The following HLCS variants were observed in gnomAD, a reference collection of about 807,000 sequenced individuals.
HLCS encodes the protein biotin--protein ligase.
HLCS carries 53 observed loss-of-function variants against 75.0 expected under a neutral mutation model. That is an observed-to-expected ratio of 0.71 (90% confidence interval 0.57 to 0.89). The LOEUF is 0.89. Ranked by LOEUF, HLCS falls within the 40% of genes least tolerant of loss-of-function variation. The pLI is 0.00. For missense variants in HLCS, 966 were observed against 1,074.0 expected, an observed-to-expected ratio of 0.90 and a Z score of 1.41; for synonymous variants, 431 against 428.6, an observed-to-expected ratio of 1.01 and a Z score of -0.07.
At chr21:36,778,909 T>C (rs1298053687) in intron 6 of HLCS, among the ~76,000 whole-genome samples, 1 of 152,184 alleles carries the variant, frequency 6.6e-6, no homozygotes, top group African/African-American at 2.4e-5. Flanking sequence ...TAAGAGGTTC[T>C]AGGCTCATCT....
chr21:36,856,659 C>CGGA (rs2063204595), intron 6 of HLCS, among the ~76,000 whole-genome samples: 1 of 151,908 alleles, frequency 6.6e-6, no homozygotes, highest in Non-Finnish European at 1.5e-5. Context: ...ACAGTCCCCC[C>CGGA]AGCAACAAAA....
intron 6 of HLCS, among the ~76,000 whole-genome samples, chr21:36,894,889 T>A (rs2064948767): frequency 6.6e-6 from 1 of 151,878 alleles, no homozygotes; most frequent in African/African-American, 2.4e-5. Context: ...AACTTCCTGA[T>A]ATCCAAGAAT....
chr21:36,765,321 A>G, intron 7 of HLCS, 149 bp from the exon 8 acceptor site: 1 of 841,486 alleles, frequency 1.2e-6, no homozygotes. Context: ...GGGCTTAATA[A>G]AAGAAAAGCT....
At chr21:36,886,474 G>A (rs1323693141) in intron 6 of HLCS, among the ~76,000 whole-genome samples, 3 of 147,662 alleles carry the variant, frequency 2.0e-5, no homozygotes, top group Non-Finnish European at 4.5e-5. Flanking sequence ...CTATGGGTTT[G>A]AAAGAGCTTC....
chr21:36,864,303 G>C (rs541128696), intron 6 of HLCS, among the ~76,000 whole-genome samples: 28 of 152,170 alleles, frequency 1.8e-4, no homozygotes, highest in African/African-American at 6.5e-4. Flanking sequence ...GGGAGGCTGA[G>C]GCAGGAGAAT....
In HLCS at chr21:36,842,720, G is replaced by A. The variant is rs2062658131; in HGVS notation, c.1892+54140C>T. Among the ~76,000 whole-genome samples, 1 of 152,052 alleles carries A rather than the reference G, an allele frequency of 6.6e-6. No homozygotes were observed. The highest frequency in any genetic ancestry group is 2.4e-5 in the African/African-American group (1 of 41,384). On this transcript the variant is annotated intron_variant, in intron 6 of 10. Coordinates refer to ENST00000674895, the MANE Select transcript of HLCS (RefSeq NM_001352514.2). This position sits in a 1 kb window ranked among gnomAD's most constrained non-coding sequence, Gnocchi z 4.2. ...ATTGTGCCACTGCACTCCACCCTGG[G>A]CAACAGAGCAAGACTCAGTCTCAAA... is the stretch of plus-strand genomic sequence containing the variant.
intron 5 of HLCS, 90 bp from the exon 6 acceptor site, chr21:36,897,221 T>C: frequency 7.8e-7 from 1 of 1,285,544 alleles, no homozygotes; most frequent in Non-Finnish European, 1.1e-6. Context: ...TTTGGTAATA[T>C]GAGTACTTCC....
At chr21:36,764,124 C>T (rs1218971772) in intron 8 of HLCS, among the ~76,000 whole-genome samples, 1 of 152,222 alleles carries the variant, frequency 6.6e-6, no homozygotes, top group Admixed American at 6.5e-5. Context: ...TGCAGCTGGG[C>T]GTGGTGGCTC....
intron 6 of HLCS, among the ~76,000 whole-genome samples, chr21:36,788,636 T>C (rs1166051781): frequency 1.3e-5 from 2 of 152,052 alleles, no homozygotes; most frequent in Non-Finnish European, 2.9e-5. Flanking sequence ...CTGGGTAGGG[T>C]CTGGGAGAGA....
At chr21:36,883,011 C>T (rs2064296441) in intron 6 of HLCS, among the ~76,000 whole-genome samples, 1 of 151,942 alleles carries the variant, frequency 6.6e-6, no homozygotes, top group Admixed American at 6.6e-5. Context: ...TATGGGAGAG[C>T]CAAACAAAAA....
chr21:36,932,567 C>T (rs925958479), intron 4 of HLCS, among the ~76,000 whole-genome samples: 2 of 152,168 alleles, frequency 1.3e-5, no homozygotes, highest in Admixed American at 6.5e-5. Flanking sequence ...AAGGAACTTA[C>T]TGGAACCTCT....
chr21:36,850,505 G>C (rs536325230), intron 6 of HLCS, among the ~76,000 whole-genome samples: 126 of 152,304 alleles, frequency 8.3e-4, no homozygotes, highest in African/African-American at 2.9e-3. Flanking sequence ...CCACAGGCTT[G>C]CAGGGTTGTC....
intron 4 of HLCS, among the ~76,000 whole-genome samples, chr21:36,933,369 G>A (rs2066732785): frequency 6.6e-6 from 1 of 151,828 alleles, no homozygotes; most frequent in Admixed American, 6.6e-5. Flanking sequence ...GACCAACATG[G>A]TGAAACCGTC....
At chr21:36,976,079 C>G (rs1355048988) in intron 1 of HLCS, among the ~76,000 whole-genome samples, 2 of 152,122 alleles carry the variant, frequency 1.3e-5, no homozygotes, top group Non-Finnish European at 2.9e-5. Flanking sequence ...ACTAGGCAAC[C>G]AAGAGCAAAG....
chr21:36,874,691 A>T (rs2063899635), intron 6 of HLCS, among the ~76,000 whole-genome samples: 3 of 152,358 alleles, frequency 2.0e-5, no homozygotes, highest in Admixed American at 1.3e-4. Context: ...CTGTGGGGAC[A>T]CCAGCTGCAA....
intron 1 of HLCS, among the ~76,000 whole-genome samples, chr21:36,989,733 C>T (rs2069307130): frequency 6.6e-6 from 1 of 152,204 alleles, no homozygotes; most frequent in Non-Finnish European, 1.5e-5. Flanking sequence ...CCTAGTCAAC[C>T]GTGCTTTTTA....
At chr21:36,923,525 G>A (rs560915546) in intron 5 of HLCS, among the ~76,000 whole-genome samples, 8 of 152,266 alleles carry the variant, frequency 5.3e-5, no homozygotes, top group East Asian at 1.9e-4. Flanking sequence ...AGACCGCAAC[G>A]CACAGAAGCC....
chr21:36,850,983 C>G (rs752829432), intron 6 of HLCS, among the ~76,000 whole-genome samples: 1 of 152,106 alleles, frequency 6.6e-6, no homozygotes, highest in Non-Finnish European at 1.5e-5. Context: ...CTGTAGCCTA[C>G]GGCCACAGGT....
chr21:36,826,096 C>T (rs751158715), intron 6 of HLCS, among the ~76,000 whole-genome samples: 50 of 151,992 alleles, frequency 3.3e-4, no homozygotes, highest in Non-Finnish European at 6.2e-4. Context: ...ATGATTTTAA[C>T]GTTAAGAGTA....
Sources: gnomAD v4.1 joint callset for allele counts (sites outside exome capture counted in the v4.1 genomes callset) on GRCh38, gnomAD v4.1.1 for gene constraint, Gnocchi (gnomAD v3.1) non-coding constraint, MANE v1.5 for transcripts, NCBI Gene and HGNC (gene_info 2026-07-23, HGNC 2026-07-21) for gene names.